Variants in OOEP observed in about 807,000 individuals in gnomAD.
OOEP encodes oocyte-expressed protein homolog.
OOEP carries 16 observed loss-of-function variants against 13.7 expected under a neutral mutation model. The observed-to-expected ratio is 1.16, with a 90% CI of 0.79 to 1.77. The LOEUF is 1.77. Ranked by LOEUF, OOEP falls within the 40% of genes most tolerant of loss-of-function variation. OOEP has a pLI of 0.00. For missense variants in OOEP, 195 were observed against 193.1 expected (o/e 1.01, Z -0.06); for synonymous variants, 89 against 77.1 (o/e 1.15, Z -0.81).
chr6:73,386,099 T>TC (rs1769268677), intron 2 of OOEP, among the ~76,000 whole-genome samples: 1 of 151,368 alleles, frequency 6.6e-6, no homozygotes, highest in Admixed American at 6.6e-5. Flanking sequence ...TTCTTTTTTT[T>TC]TTTTTTTTTC....
Position 73,369,789 on chromosome 6 carries a change from C to G in OOEP, c.4G>C (p.Val2Leu), listed in dbSNP as rs1443881783. Residue 2 changes from valine to leucine, a missense_variant, in exon 1 of 3, where the codon GTC becomes CTC. Transcript: ENST00000370359. ...GACTCAGCGGCACCAGCATCATCGACCATACTGGGACCAGCAGCCGCGGAG... is the reference window on the plus strand; with the variant it reads ...GACTCAGCGGCACCAGCATCATCGAGCATACTGGGACCAGCAGCCGCGGAG... Reference protein sequence around the residue: MVDDAGAAESQR... With the variant: MLDDAGAAESQR... 1.2e-6 allele frequency: 2 copies of G among 1,612,536 alleles called. No individual in the cohort carries two copies. The highest frequency in any genetic ancestry group is 1.7e-6 in the Non-Finnish European group (2 of 1,178,978).
intron 2 of OOEP, among the ~76,000 whole-genome samples, chr6:73,388,584 C>T (rs979245644): frequency 6.6e-6 from 1 of 152,192 alleles, no homozygotes; most frequent in African/African-American, 2.4e-5. Context: ...GGAACTGCAC[C>T]CATGGGTTCC....
chr6:73,383,636 G>T (rs1769235176), intron 2 of OOEP, among the ~76,000 whole-genome samples: 2 of 151,748 alleles, frequency 1.3e-5, no homozygotes, highest in Admixed American at 1.3e-4. Context: ...CTCCATCTCA[G>T]AATAAAATAA....
chr6:73,391,420 TTCTC>T (rs1025490254), intron 2 of OOEP: 8 of 152,518 alleles, frequency 5.2e-5, no homozygotes, highest in African/African-American at 1.7e-4. Context: ...AGGATTAGCC[TTCTC>T]TCTCTAACAA....
upstream of OOEP, chr6:73,373,330 T>C: frequency 6.8e-7 from 1 of 1,479,850 alleles, no homozygotes; most frequent in South Asian, 1.1e-5. Flanking sequence ...TCTCTTCTTT[T>C]GTTTTCTTTT....
At position 73,369,290 on chromosome 6, in the gene OOEP, C is replaced by A. The variant is rs983499644; in HGVS notation, c.286G>T (p.Val96Phe). The A allele has an allele frequency of 4.3e-6, 7 of 1,613,934 alleles. No homozygotes were observed. Among genetic ancestry groups the A allele is most frequent in the Non-Finnish European group, 5.9e-6 (7 of 1,179,882 alleles). The change falls in exon 2 of 3, where the codon GTT becomes TTT. Residue 96 changes from valine to phenylalanine, a missense_variant. Coordinates refer to ENST00000370359, the MANE Select transcript of OOEP (RefSeq NM_001080507.3). ...TTCTGTACACGGGGCCGCCCGAAAA[C>A]GGTGATTTCGACTAGGTTCCCTGAG... ...VDSGNLVEIT[V>F]FGRPRVQNRV...
chr6:73,373,676 G>T (rs1303039138), upstream of OOEP, among the ~76,000 whole-genome samples: 2 of 151,986 alleles, frequency 1.3e-5, no homozygotes, highest in Non-Finnish European at 1.5e-5. Context: ...TGCAACCTCC[G>T]CCTCCTGGGT....
upstream of OOEP, among the ~76,000 whole-genome samples, chr6:73,370,768 A>ACTT (rs1271924064): frequency 3.3e-5 from 5 of 152,210 alleles, no homozygotes; most frequent in East Asian, 9.6e-4. Context: ...CTTACAATTA[A>ACTT]CTATGTGTTT....
exon 1 of OOEP, chr6:73,394,810 C>A: frequency 3.9e-6 from 6 of 1,532,666 alleles, no homozygotes; most frequent in Non-Finnish European, 4.4e-6. Context: ...TAAGTAGCGG[C>A]TGCGTGGCTT....
chr6:73,382,107 G>A (rs977297381), intron 2 of OOEP, among the ~76,000 whole-genome samples: 1 of 152,040 alleles, frequency 6.6e-6, no homozygotes, highest in Admixed American at 6.6e-5. Context: ...CAGTGCAGTG[G>A]TGTGATCATG....
In OOEP at chr6:73,369,638, A is replaced by C. The variant is rs541440333; in HGVS notation, c.155T>G (p.Phe52Cys). 1 of 1,614,032 alleles carries C rather than the reference A, an allele frequency of 6.2e-7. No individual in the cohort carries two copies. Among genetic ancestry groups the C allele is most frequent in the Non-Finnish European group, 8.5e-7 (1 of 1,179,880 alleles). The part of the protein sequence containing the change: ...PVQELRDPLV[F>C]YLEAWLADEL... ...GTCTGCCAGCCATGCCTCTAGGTAG[A>C]ACACCAAAGGGTCTCTCAGTTCCTG... Residue 52 changes from phenylalanine to cysteine, a missense_variant, in exon 1 of 3, where the codon TTC (phenylalanine) becomes TGC (cysteine). Physicochemically the swap from Phe to Cys is radical, Grantham distance 205. Coordinates refer to ENST00000370359, the MANE Select transcript of OOEP (RefSeq NM_001080507.3).
upstream of OOEP, chr6:73,373,229 A>G (rs1433353823): frequency 1.9e-6 from 3 of 1,612,826 alleles, no homozygotes; most frequent in Admixed American, 5.0e-5. Context: ...CTTGGCCAGG[A>G]ATCGCTTAAT....
intron 2 of OOEP, among the ~76,000 whole-genome samples, chr6:73,376,001 C>G (rs1455456022): frequency 1.3e-5 from 2 of 152,032 alleles, no homozygotes; most frequent in African/African-American, 4.8e-5. Context: ...CCAGGCCGGT[C>G]TCGAACTCTT....
chr6:73,379,645 A>AG (rs1221628224), intron 2 of OOEP, among the ~76,000 whole-genome samples: 2 of 124,606 alleles, frequency 1.6e-5, no homozygotes, highest in African/African-American at 5.7e-5. Flanking sequence ...TCTCAAAAAA[A>AG]AAAAAAAAAA....
chr6:73,390,933 A>G (rs1769339446), intron 2 of OOEP: 1 of 151,790 alleles, frequency 6.6e-6, no homozygotes, highest in Non-Finnish European at 1.5e-5. Context: ...TAAATAAATA[A>G]ATAAAATACA....
intron 2 of OOEP, among the ~76,000 whole-genome samples, chr6:73,384,172 A>C (rs955933519): frequency 7.9e-5 from 12 of 152,236 alleles, no homozygotes; most frequent in Admixed American, 3.9e-4. Flanking sequence ...AGGTAATACT[A>C]CAGAACAACT....
At chr6:73,379,600 C>T (rs1413240134) in intron 2 of OOEP, among the ~76,000 whole-genome samples, 1 of 134,204 alleles carries the variant, frequency 7.5e-6, no homozygotes, top group African/African-American at 2.8e-5. Context: ...GATTGTGCCA[C>T]TGCACTCCAC....
chr6:73,375,471 CTG>C (rs1473599303), intron 2 of OOEP, among the ~76,000 whole-genome samples: 11 of 151,932 alleles, frequency 7.2e-5, no homozygotes, highest in African/African-American at 2.4e-4. Context: ...CCCAACTACT[CTG>C]GGAGCTGCAG....
intron 2 of OOEP, among the ~76,000 whole-genome samples, chr6:73,384,641 G>A (rs1018151521): frequency 6.6e-6 from 1 of 152,168 alleles, no homozygotes; most frequent in South Asian, 2.1e-4. Flanking sequence ...TCCAGGTATT[G>A]AGCCATGATT....
Sources: allele counts gnomAD v4.1 joint callset (sites outside exome capture counted in the v4.1 genomes callset), GRCh38; gene constraint gnomAD v4.1.1; transcripts MANE v1.5; gene names NCBI Gene and HGNC (gene_info 2026-07-23, HGNC 2026-07-21).